TMEM131L: variants seen among roughly 807,000 people sequenced by gnomAD.
TMEM131L encodes transmembrane 131 like, also known as transmembrane protein 131-like.
A neutral mutation model predicts 192.2 loss-of-function variants in TMEM131L; 54 were observed. The observed-to-expected ratio is 0.28, with a 90% CI of 0.23 to 0.35. The LOEUF (loss-of-function observed/expected upper bound fraction) is 0.35. Among genes scored for constraint, TMEM131L ranks in the 10% least tolerant of loss-of-function variants. The pLI is 1.00. For missense variants in TMEM131L, 1,888 were observed against 1,972.9 expected (o/e 0.96, Z 0.82); for synonymous variants, 701 against 704.9 (o/e 0.99, Z 0.09).
intron 3 of TMEM131L, among the ~76,000 whole-genome samples, chr4:153,521,795 G>A (rs554282335): frequency 1.1e-4 from 16 of 151,294 alleles, no homozygotes; most frequent in African/African-American, 3.6e-4. Context: ...TGTCTTTTTA[G>A]GATTGGCTTC....
chr4:153,598,686 A>C lies in TMEM131L; in HGVS notation c.2220A>C (p.Ser740=). ...GAAGACTTCCTGGTGCAGGAGGCTC[A>C]CTCCGATTTAAGGTGCCCGAGTCCA... The part of the protein sequence containing the change: ...VGGRLPGAGG[S]LRFKVPESTL... Residue 740 remains serine, a synonymous_variant, in exon 21 of 35, where the codon TCA becomes TCC. Coordinates refer to ENST00000409959, the MANE Select transcript of TMEM131L (RefSeq NM_001131007.2). 1 of 1,613,834 alleles carries C rather than the reference A, an allele frequency of 6.2e-7. No individual in the cohort carries two copies. Among genetic ancestry groups the C allele is most frequent in the Non-Finnish European group, 8.5e-7 (1 of 1,179,916 alleles).
intron 3 of TMEM131L, among the ~76,000 whole-genome samples, chr4:153,479,305 A>G (rs1197420773): frequency 1.3e-5 from 2 of 152,246 alleles, no homozygotes; most frequent in African/African-American, 2.4e-5. Flanking sequence ...AAAAAGCAAT[A>G]TTTGAGAAAT....
At chr4:153,496,685 AT>A (rs1270493153) in intron 3 of TMEM131L, among the ~76,000 whole-genome samples, 1 of 151,140 alleles carries the variant, frequency 6.6e-6, no homozygotes, top group Non-Finnish European at 1.5e-5. Flanking sequence ...AGCCTCCTGA[AT>A]AACAGGTGTG....
chr4:153,487,133 A>G (rs1732396987), intron 3 of TMEM131L, among the ~76,000 whole-genome samples: 1 of 152,226 alleles, frequency 6.6e-6, no homozygotes, highest in Non-Finnish European at 1.5e-5. Context: ...TGCACGCTCA[A>G]GTTTGAAAAC....
At chr4:153,603,085 G>A (rs919857564) in intron 23 of TMEM131L, among the ~76,000 whole-genome samples, 1 of 152,106 alleles carries the variant, frequency 6.6e-6, no homozygotes, top group African/African-American at 2.4e-5. Context: ...TCATAAAAAT[G>A]GAATTGTAAT....
chr4:153,500,532 A>T (rs1733528491), intron 3 of TMEM131L, among the ~76,000 whole-genome samples: 1 of 152,206 alleles, frequency 6.6e-6, no homozygotes, highest in Non-Finnish European at 1.5e-5. Context: ...AATGAAGCCC[A>T]AGATTTCATT....
chr4:153,470,659 A>G (rs528666723), intron 2 of TMEM131L, among the ~76,000 whole-genome samples: 3 of 152,364 alleles, frequency 2.0e-5, no homozygotes, highest in South Asian at 2.1e-4. Context: ...CTTATTTTCA[A>G]GAAGTAATTG....
At chr4:153,578,519 C>G (rs1730113258) in intron 7 of TMEM131L, among the ~76,000 whole-genome samples, 1 of 147,636 alleles carries the variant, frequency 6.8e-6, no homozygotes, top group African/African-American at 2.5e-5. Context: ...CTATGCCCAG[C>G]TAGTTTTTTT....
rs571152912 is a variant in TMEM131L at position 153,614,427 on chromosome 4, C to T, written c.3567+2027C>T. On this transcript the variant is annotated intron_variant, in intron 26 of 34. Transcript: ENST00000409959. The stretch of plus-strand genomic sequence containing the variant: ...TTTGTTAAAAGCACATTTGGCCAAA[C>T]AAAAAGTTGTTTTGGAGGATTTGGC... Among the ~76,000 whole-genome samples, 7 of 152,212 alleles carry T rather than the reference C, an allele frequency of 4.6e-5. No homozygotes were observed. In the East Asian group the frequency reaches 7.7e-4, roughly 17 times the overall value.
At chr4:153,620,712 C>T in intron 26 of TMEM131L, 44 bp from the exon 27 acceptor site, 1 of 1,257,216 alleles carries the variant, frequency 8.0e-7, no homozygotes. Flanking sequence ...TGTTTTTATT[C>T]ATATTTAGTT....
intron 3 of TMEM131L, among the ~76,000 whole-genome samples, chr4:153,547,871 C>G (rs965922586): frequency 6.6e-6 from 1 of 152,218 alleles, no homozygotes; most frequent in Non-Finnish European, 1.5e-5. Flanking sequence ...TCCTCCAAAC[C>G]TCATCTGTTC....
intron 3 of TMEM131L, among the ~76,000 whole-genome samples, chr4:153,537,504 G>A (rs1191950976): frequency 6.6e-6 from 1 of 152,186 alleles, no homozygotes; most frequent in East Asian, 1.9e-4. Context: ...ATAAGGGGTG[G>A]ATTATTTATG....
chr4:153,622,911 G>T lies in TMEM131L; in HGVS notation c.3873G>T (p.Gln1291His). 6.2e-7 allele frequency: 1 copy of T among 1,614,234 alleles called. No homozygotes were observed. Among genetic ancestry groups the T allele is most frequent in the South Asian group, 1.1e-5 (1 of 91,082 alleles). The stretch of plus-strand genomic sequence containing the variant: ...CACTTCCTCCAGAAGGTTACTACCA[G>T]AAGCCTGAGAAGAAATGTGTGGACA... ...AAQREAEGYYQKPEKKCVDKF... is the reference protein window; with the variant it reads ...AAQREAEGYYHKPEKKCVDKF... The change falls in exon 29 of 35, where the codon CAG (glutamine) becomes CAT (histidine). Residue 1291 changes from glutamine (Q) to histidine (H), a missense_variant. By Grantham distance (24) the Gln-to-His change is conservative. Transcript: ENST00000409959.
At chr4:153,493,511 T>A (rs1232169758) in intron 3 of TMEM131L, among the ~76,000 whole-genome samples, 1 of 151,726 alleles carries the variant, frequency 6.6e-6, no homozygotes, top group Non-Finnish European at 1.5e-5. Context: ...ATACAAAAAA[T>A]TAGCCGGGCA....
chr4:153,541,477 C>T (rs1270410126), intron 3 of TMEM131L, among the ~76,000 whole-genome samples: 2 of 152,166 alleles, frequency 1.3e-5, no homozygotes, highest in Non-Finnish European at 2.9e-5. Flanking sequence ...GGCCAAGGCA[C>T]TCACTGGCGT....
At chr4:153,501,789 A>G (rs536326191) in intron 3 of TMEM131L, among the ~76,000 whole-genome samples, 302 of 152,112 alleles carry the variant, frequency 2.0e-3, no homozygotes, top group Non-Finnish European at 2.3e-3. Context: ...CAGCTTCATA[A>G]TCATCAAGGC....
intron 3 of TMEM131L, among the ~76,000 whole-genome samples, chr4:153,545,946 C>G (rs192404515): frequency 2.0e-4 from 30 of 152,102 alleles, no homozygotes; most frequent in Admixed American, 1.9e-3. Context: ...TGCAGTGGTG[C>G]GGTCATTGCT....
At chr4:153,598,326 G>GT (rs1444865781) in intron 20 of TMEM131L, among the ~76,000 whole-genome samples, 3 of 152,062 alleles carry the variant, frequency 2.0e-5, no homozygotes, top group African/African-American at 7.2e-5. Context: ...GTGGGCTGTG[G>GT]TTGGAAGGGG....
chr4:153,480,266 G>C (rs919786614), intron 3 of TMEM131L, among the ~76,000 whole-genome samples: 1 of 152,170 alleles, frequency 6.6e-6, no homozygotes, highest in African/African-American at 2.4e-5. Flanking sequence ...ATGAACCCGG[G>C]AGTCGGAGCT....
Sources: allele counts gnomAD v4.1 joint callset (sites outside exome capture counted in the v4.1 genomes callset), GRCh38; gene constraint gnomAD v4.1.1; transcripts MANE v1.5; gene names NCBI Gene and HGNC (gene_info 2026-07-23, HGNC 2026-07-21).